The following ATP6V1E1 variants were observed in gnomAD, a reference collection of about 807,000 sequenced individuals.
The protein encoded by ATP6V1E1 is V-type proton ATPase subunit E 1.
In ATP6V1E1, 21 loss-of-function variants were observed where a neutral mutation model predicts 35.2. That is an observed-to-expected ratio of 0.60 (90% CI 0.42 to 0.86). The LOEUF is 0.86. ATP6V1E1 is among the 40% of genes least tolerant of loss of function. The pLI is 0.00. For synonymous variants in ATP6V1E1, 83 were observed against 87.8 expected, an observed-to-expected ratio of 0.95 and a Z score of 0.30; for missense variants, 183 against 272.6, an observed-to-expected ratio of 0.67 and a Z score of 2.32.
rs1205009576 is a variant in ATP6V1E1, at chr22:17,622,351, A to G, written c.34-2825T>C. On this transcript the variant is annotated intron_variant, in intron 1 of 8. Transcript: ENST00000253413. ...GAATGCAAATCTGTTGGGAGTTTCA[A>G]GACTTCTAAGGAATACAAGGTATCC... Among the ~76,000 whole-genome samples, 3 of 152,288 alleles carry G rather than the reference A, an allele frequency of 2.0e-5. No homozygotes were observed. The East Asian group carries it at 5.8e-4, about 29-fold the overall frequency.
rs367879649 is a variant in ATP6V1E1 at position 17,628,678 on chromosome 22, A to G, written c.-43T>C. The G allele has an allele frequency of 8.1e-6, 13 of 1,613,372 alleles. No homozygotes were observed. The highest frequency in any genetic ancestry group is 9.3e-6 in the Non-Finnish European group (11 of 1,179,522). On this transcript the variant is annotated 5_prime_UTR_variant, in exon 1 of 9. Coordinates refer to ENST00000253413, the MANE Select transcript of ATP6V1E1 (RefSeq NM_001696.4). ...GCCGGTGAACAGTAGGCTCGAGTTT[A>G]GGTTTGAAAGGTGAGGTGAGAGAAA...
Position 17,600,098 on chromosome 22 carries a change from G to A in ATP6V1E1, c.367-3C>T. 5 of 1,611,746 alleles carry A rather than the reference G, an allele frequency of 3.1e-6. No homozygotes were observed. Among genetic ancestry groups the A allele is most frequent in the African/African-American group, 1.3e-5 (1 of 74,820 alleles). ...GGCTCCAGCAACTGGTACAAACCCT[G>A]GAAGAAATAGTAGATACAGTCAGTA... On this transcript the variant is annotated splice_polypyrimidine_tract_variant and splice_region_variant and intron_variant, in intron 5 of 8. Transcript: ENST00000253413.
intron 7 of ATP6V1E1, among the ~76,000 whole-genome samples, chr22:17,596,178 T>C (rs1250312737): frequency 6.6e-6 from 1 of 151,704 alleles, no homozygotes; most frequent in Admixed American, 6.6e-5. Flanking sequence ...ATGAGGTTAG[T>C]GCTAATACGT....
intron 8 of ATP6V1E1, among the ~76,000 whole-genome samples, chr22:17,593,922 T>G (rs1226664432): frequency 6.6e-6 from 1 of 152,078 alleles, no homozygotes; most frequent in African/African-American, 2.4e-5. Flanking sequence ...AGTATTTGTG[T>G]CTGAGCACGG....
rs201958144 is a variant in ATP6V1E1 at position 17,619,121 on chromosome 22, G to A, written c.99+340C>T. Reference sequence around the variant, plus strand: ...ATCCTGGCCAACACGGTGAAACCCCGTCTCTACTAAAAATACAAATATTAG... The same window carrying A: ...ATCCTGGCCAACACGGTGAAACCCCATCTCTACTAAAAATACAAATATTAG... On this transcript the variant is annotated intron_variant, in intron 2 of 8. Transcript: ENST00000253413. The A allele has an allele frequency of 5.3e-5, 24 of 449,588 alleles. 1 individual carries two copies. The highest frequency in any genetic ancestry group is 2.8e-4 in the South Asian group (17 of 61,672). 27.8% of individuals were successfully genotyped at this position (449,588 alleles called of 1,614,324 possible).
At chr22:17,601,046 T>A (rs758366753) in intron 5 of ATP6V1E1, 46 bp downstream of exon 5, 1 of 1,522,568 alleles carries the variant, frequency 6.6e-7, no homozygotes, top group Non-Finnish European at 9.0e-7. Context: ...TTCTAAATTT[T>A]CTCAGAACTG....
chr22:17,627,134 C>T (rs992887917), intron 1 of ATP6V1E1, among the ~76,000 whole-genome samples: 6 of 151,920 alleles, frequency 3.9e-5, no homozygotes, highest in African/African-American at 1.2e-4. Flanking sequence ...GGACTACAGG[C>T]GCACCCCACT....
chr22:17,619,331 G>T, intron 2 of ATP6V1E1, 130 bp downstream of exon 2: 1 of 825,962 alleles, frequency 1.2e-6, no homozygotes, highest in Non-Finnish European at 1.9e-6. Flanking sequence ...AGGGGAAGGA[G>T]GGAAGGAAGA....
intron 8 of ATP6V1E1, 85 bp downstream of exon 8, chr22:17,594,444 C>A: frequency 9.3e-7 from 1 of 1,079,760 alleles, no homozygotes. Context: ...GCAACAAATC[C>A]CAAATACCAG....
chr22:17,615,931 C>T (rs939979779), intron 2 of ATP6V1E1, among the ~76,000 whole-genome samples: 2 of 151,914 alleles, frequency 1.3e-5, no homozygotes, highest in African/African-American at 4.8e-5. Context: ...ACTCAGGAGG[C>T]TGAGGCAGGA....
At chr22:17,593,283 AAC>A (rs1400687328) in intron 8 of ATP6V1E1, among the ~76,000 whole-genome samples, 13 of 140,302 alleles carry the variant, frequency 9.3e-5, no homozygotes, top group African/African-American at 3.6e-4. Flanking sequence ...AAAAAAACAA[AAC>A]AAAAAAAAAC....
At chr22:17,628,799 A>G (rs2057942819), upstream of ATP6V1E1, 1 of 904,572 alleles carries the variant, frequency 1.1e-6, no homozygotes, top group Non-Finnish European at 1.7e-6. Flanking sequence ...CATCCTCATG[A>G]CCCTTCTCAG....
chr22:17,594,358 T>C (rs2057720432), intron 8 of ATP6V1E1, among the ~76,000 whole-genome samples, 171 bp downstream of exon 8: 1 of 152,196 alleles, frequency 6.6e-6, no homozygotes, highest in African/African-American at 2.4e-5. Context: ...CTCATGTAAA[T>C]GTTACCACCT....
At chr22:17,627,877 A>G (rs2057926442) in intron 1 of ATP6V1E1, among the ~76,000 whole-genome samples, 1 of 150,612 alleles carries the variant, frequency 6.6e-6, no homozygotes, top group African/African-American at 2.4e-5. Context: ...CGACCTTGTC[A>G]AAACACTGGT....
chr22:17,615,088 G>A (rs1431987208), intron 2 of ATP6V1E1, among the ~76,000 whole-genome samples: 1 of 151,724 alleles, frequency 6.6e-6, no homozygotes, highest in Non-Finnish European at 1.5e-5. Context: ...GGATCACAAG[G>A]TCGGGAGTTC....
chr22:17,614,345 C>T (rs1038588629), intron 2 of ATP6V1E1, among the ~76,000 whole-genome samples: 1 of 75,144 alleles, frequency 1.3e-5, no homozygotes, highest in African/African-American at 5.6e-5. Context: ...AGGGAAACTC[C>T]ATCTAAAAAA....
chr22:17,618,842 A>G (rs2057860035), intron 2 of ATP6V1E1, among the ~76,000 whole-genome samples: 1 of 152,146 alleles, frequency 6.6e-6, no homozygotes, highest in African/African-American at 2.4e-5. Flanking sequence ...TCTACTAAAA[A>G]TACAAAAATT....
upstream of ATP6V1E1, chr22:17,628,756 G>T: frequency 7.2e-7 from 1 of 1,390,812 alleles, no homozygotes; most frequent in Non-Finnish European, 1.0e-6. Context: ...TTATAACCGC[G>T]GGTTCCGGTT....
chr22:17,620,296 C>G (rs1051298652), intron 1 of ATP6V1E1, among the ~76,000 whole-genome samples: 1 of 151,740 alleles, frequency 6.6e-6, no homozygotes, highest in African/African-American at 2.4e-5. Context: ...TACAGGCGCC[C>G]GCCACCATGC....
Sources: allele counts gnomAD v4.1 joint callset (sites outside exome capture counted in the v4.1 genomes callset), GRCh38; gene constraint gnomAD v4.1.1; transcripts MANE v1.5; gene names NCBI Gene and HGNC (gene_info 2026-07-23, HGNC 2026-07-21).